The following SLC13A4 variants were observed in gnomAD, a reference collection of about 807,000 sequenced individuals.
The protein encoded by SLC13A4 is Na(+)/sulfate cotransporter SUT-1.
Under a neutral mutation model 72.7 loss-of-function variants are expected in SLC13A4, and 28 were observed. That is an observed-to-expected ratio of 0.39 (90% confidence interval 0.29 to 0.53). The LOEUF (loss-of-function observed/expected upper bound fraction) is 0.53, where lower values mean the gene tolerates loss of function less well. Among genes scored for constraint, SLC13A4 ranks in the 20% least tolerant of loss-of-function variants. SLC13A4 has a pLI of 0.78. For synonymous variants in SLC13A4, 312 were observed against 325.5 expected, an observed-to-expected ratio of 0.96 and a Z score of 0.45; for missense variants, 653 against 788.0, an observed-to-expected ratio of 0.83 and a Z score of 2.05.
At chr7:135,694,910 T>C (rs1795867761) in intron 9 of SLC13A4, among the ~76,000 whole-genome samples, 1 of 152,206 alleles carries the variant, frequency 6.6e-6, no homozygotes. Flanking sequence ...GACTGACTTG[T>C]TATTTTGAGG....
At chr7:135,688,801 C>CAGT (rs1375101523) in intron 13 of SLC13A4, 5 of 151,914 alleles carry the variant, frequency 3.3e-5, no homozygotes, top group African/African-American at 1.2e-4. Context: ...TTAGTAGAGG[C>CAGT]AGTAGGCTTT....
At chr7:135,707,843 T>G (rs1407416118) in intron 3 of SLC13A4, 1 of 326,960 alleles carries the variant, frequency 3.1e-6, no homozygotes, top group Non-Finnish European at 5.5e-6. Flanking sequence ...TTTTACCTGA[T>G]GGGCCCCTAT....
intron 8 of SLC13A4, among the ~76,000 whole-genome samples, chr7:135,696,735 C>T (rs900641000): frequency 9.9e-5 from 15 of 152,222 alleles, no homozygotes; most frequent in African/African-American, 2.9e-4. Flanking sequence ...CCTTAGTCCT[C>T]AACTCACCAG....
intron 2 of SLC13A4, among the ~76,000 whole-genome samples, chr7:135,715,431 G>T (rs73160743): frequency 6.6e-6 from 1 of 150,938 alleles, no homozygotes; most frequent in South Asian, 2.1e-4. Flanking sequence ...GTGTGTGAGC[G>T]TGTGTATGAG....
intron 2 of SLC13A4, among the ~76,000 whole-genome samples, chr7:135,713,368 C>T (rs1301264243): frequency 6.6e-6 from 1 of 152,074 alleles, no homozygotes; most frequent in Non-Finnish European, 1.5e-5. Context: ...TCAAGGAGGT[C>T]CCCTTGACAA....
intron 2 of SLC13A4, among the ~76,000 whole-genome samples, chr7:135,714,264 C>T (rs897536027): frequency 3.3e-5 from 5 of 152,220 alleles, no homozygotes; most frequent in African/African-American, 4.8e-5. Context: ...GCTGGCATGA[C>T]CCAGAAGCTG....
intron 3 of SLC13A4, 29 bp from the exon 4 acceptor site, chr7:135,706,329 C>T (rs185596259): frequency 6.3e-6 from 10 of 1,574,868 alleles, no homozygotes; most frequent in East Asian, 4.5e-5. Context: ...TGGGGCAGAG[C>T]GTCCACGGAA....
chr7:135,722,515 C>T (rs1796569515), intron 1 of SLC13A4, among the ~76,000 whole-genome samples: 1 of 151,978 alleles, frequency 6.6e-6, no homozygotes, highest in Non-Finnish European at 1.5e-5. Flanking sequence ...GGAATCTGGA[C>T]CCCCTCTCCA....
chr7:135,683,832 T>A, intron 15 of SLC13A4: 1 of 967,038 alleles, frequency 1.0e-6, no homozygotes, highest in Non-Finnish European at 1.2e-6. Context: ...AAAACTTGTT[T>A]GCACAGGCTC....
intron 2 of SLC13A4, among the ~76,000 whole-genome samples, chr7:135,714,809 C>A (rs1045509026): frequency 6.6e-6 from 1 of 152,108 alleles, no homozygotes; most frequent in South Asian, 2.1e-4. Context: ...CCGACTCCGG[C>A]GGCACCAGGC....
At chr7:135,694,263 A>G in intron 9 of SLC13A4, 25 bp from the exon 10 acceptor site, 1 of 1,417,308 alleles carries the variant, frequency 7.1e-7, no homozygotes, top group Non-Finnish European at 1.0e-6. Flanking sequence ...TGAGCAAATG[A>G]TTAAAGAAAA....
At chr7:135,702,975 A>G (rs2129494594) in intron 5 of SLC13A4, 91 bp from the exon 6 acceptor site, 1 of 893,468 alleles carries the variant, frequency 1.1e-6, no homozygotes, top group Non-Finnish European at 1.9e-6. Context: ...GGTGTAAGGG[A>G]CTTAAACTCT....
At chr7:135,717,221 T>C (rs1435602573) in intron 2 of SLC13A4, among the ~76,000 whole-genome samples, 1 of 152,226 alleles carries the variant, frequency 6.6e-6, no homozygotes, top group East Asian at 1.9e-4. Flanking sequence ...TCAACTGTGC[T>C]TTCTCATGGA....
intron 1 of SLC13A4, among the ~76,000 whole-genome samples, chr7:135,722,274 A>AAAC (rs1796565545): frequency 1.3e-5 from 2 of 151,230 alleles, no homozygotes; most frequent in African/African-American, 4.9e-5. Context: ...GCAAACAAAC[A>AAAC]AAAAAAACAG....
chr7:135,681,821 T>C, intron 15 of SLC13A4, 121 bp from the exon 16 acceptor site: 7 of 1,380,412 alleles, frequency 5.1e-6, no homozygotes, highest in Non-Finnish European at 6.9e-6. Flanking sequence ...AGTTGCTGCC[T>C]GGGGTGCTCT....
rs1351257507 is a variant in SLC13A4 at position 135,702,895 on chromosome 7, G to A, written c.594-11C>T. 8 of 1,612,050 alleles carry A rather than the reference G, an allele frequency of 5.0e-6. No homozygotes were observed. Among genetic ancestry groups the A allele is most frequent in the Non-Finnish European group, 6.8e-6 (8 of 1,178,090 alleles). ...TCTGCGTTGGACCTGCTGGAACCAA[G>A]CAGAGGACACAGGAGCCACGTCAGT... is the stretch of plus-strand genomic sequence containing the variant. On this transcript the variant is annotated splice_polypyrimidine_tract_variant and intron_variant, in intron 5 of 15. Transcript: ENST00000682651.
chr7:135,691,291 G>A lies in SLC13A4; in HGVS notation c.1356C>T (p.Pro452=), dbSNP rs779525125. The A allele has an allele frequency of 1.2e-6, 2 of 1,613,860 alleles. No individual in the cohort carries two copies. Among genetic ancestry groups the A allele is most frequent in the Admixed American group, 3.3e-5 (2 of 59,978 alleles). Residue 452 remains proline, a synonymous_variant, in exon 13 of 16, where the codon CCC becomes CCT. Transcript: ENST00000682651. ...TCTGGAAGTCCTTCCACGTGATGAT[G>A]GGCTCGGTCCCCAGTGAGTGCTCCT... ...ENQEHSLGTE[P]IITWKDFQKT... is the part of the protein sequence containing the mutation.
At chr7:135,702,938 G>T in intron 5 of SLC13A4, 54 bp from the exon 6 acceptor site, 1 of 1,366,436 alleles carries the variant, frequency 7.3e-7, no homozygotes, top group Non-Finnish European at 1.0e-6. Flanking sequence ...ACTCTTGGGA[G>T]GGGAGGTCCC....
chr7:135,701,128 G>A (rs1335360576), intron 7 of SLC13A4, among the ~76,000 whole-genome samples: 1 of 152,178 alleles, frequency 6.6e-6, no homozygotes, highest in Non-Finnish European at 1.5e-5. Context: ...AAAAAATGCT[G>A]AGTGCAATGA....
Sources: gnomAD v4.1 joint callset for allele counts (sites outside exome capture counted in the v4.1 genomes callset) on GRCh38, gnomAD v4.1.1 for gene constraint, MANE v1.5 for transcripts, NCBI Gene and HGNC (gene_info 2026-07-23, HGNC 2026-07-21) for gene names.